PPP6R3: variants seen among roughly 807,000 people sequenced by gnomAD.
The protein encoded by PPP6R3 is protein phosphatase 6 regulatory subunit 3, also known as serine/threonine-protein phosphatase 6 regulatory subunit 3.
A neutral mutation model predicts 110.7 loss-of-function variants in PPP6R3; 38 were observed. The ratio of observed to expected loss-of-function variants is 0.34; its 90% CI spans 0.26 to 0.45. The LOEUF (loss-of-function observed/expected upper bound fraction) is 0.45. Ranked by LOEUF, PPP6R3 falls within the 20% of genes least tolerant of loss-of-function variation. The pLI is 1.00. For synonymous variants in PPP6R3, 369 were observed against 373.5 expected (o/e 0.99, Z 0.14); for missense variants, 870 against 1,062.4 (o/e 0.82, Z 2.52).
intron 2 of PPP6R3, among the ~76,000 whole-genome samples, chr11:68,537,446 A>AT (rs1170357817): frequency 2.0e-5 from 3 of 152,298 alleles, no homozygotes. Flanking sequence ...TCAAGTCAAA[A>AT]TTTTTTATCT....
intron 12 of PPP6R3, among the ~76,000 whole-genome samples, chr11:68,573,129 T>TA (rs1467274778): frequency 1.2e-5 from 1 of 85,120 alleles, no homozygotes; most frequent in Non-Finnish European, 2.4e-5. Context: ...TATATATATA[T>TA]ATATATATAT....
chr11:68,467,217 T>G (rs1357788744), intron 1 of PPP6R3, among the ~76,000 whole-genome samples: 1 of 152,256 alleles, frequency 6.6e-6, no homozygotes, highest in Non-Finnish European at 1.5e-5. Context: ...TCTGAACATC[T>G]TTTTACAGAT....
rs35585116 is a variant in PPP6R3, at chr11:68,592,153, C to CT, written c.1916+458dup. On this transcript the variant is annotated intron_variant, in intron 18 of 23. Coordinates refer to ENST00000393800, the MANE Select transcript of PPP6R3 (RefSeq NM_001164161.2). ...TTAATATATCTGGGTCAATCCAGTC[C>CT]TTTTTTTTTTTAAATCATCCGTATC... is the stretch of plus-strand genomic sequence containing the variant. Among the ~76,000 whole-genome samples, 270 of 146,394 alleles carry CT rather than the reference C, an allele frequency of 1.8e-3. 1 individual carries two copies. Among genetic ancestry groups the CT allele is most frequent in the African/African-American group, 3.4e-3 (138 of 40,066 alleles).
At position 68,516,263 on chromosome 11, in the gene PPP6R3, G is replaced by A. The variant is rs151065360; in HGVS notation, c.-157-3238G>A. Among the ~76,000 whole-genome samples, 14 of 152,262 alleles carry A rather than the reference G, an allele frequency of 9.2e-5. No homozygotes were observed. In the East Asian group the frequency reaches 2.7e-3, roughly 29 times the overall value. On this transcript the variant is annotated intron_variant, in intron 1 of 23. Transcript: ENST00000393800. The stretch of plus-strand genomic sequence containing the variant: ...TGCTTCAAAATCTGAAACTTTTTGA[G>A]TGCCAACACGATGCCACAAGTGGAA...
At chr11:68,476,332 G>A (rs1034495394) in intron 1 of PPP6R3, among the ~76,000 whole-genome samples, 4 of 152,198 alleles carry the variant, frequency 2.6e-5, no homozygotes, top group South Asian at 2.1e-4. Flanking sequence ...GCGTGGCGGC[G>A]CACGCCTGCA....
intron 1 of PPP6R3, among the ~76,000 whole-genome samples, chr11:68,518,919 T>A (rs2099150287): frequency 6.6e-6 from 1 of 152,188 alleles, no homozygotes; most frequent in South Asian, 2.1e-4. Flanking sequence ...ACAGTTTAAG[T>A]CATTTTCCAC....
intron 1 of PPP6R3, among the ~76,000 whole-genome samples, chr11:68,487,702 A>T (rs2098957043): frequency 6.6e-6 from 1 of 151,914 alleles, no homozygotes; most frequent in Non-Finnish European, 1.5e-5. Context: ...TTTTTCAGTT[A>T]TCTTTCTGTT....
chr11:68,501,454 G>A (rs1328639258), intron 1 of PPP6R3, among the ~76,000 whole-genome samples: 1 of 152,208 alleles, frequency 6.6e-6, no homozygotes, highest in African/African-American at 2.4e-5. Context: ...AGCCCCCTGA[G>A]TAGCTGAGAT....
chr11:68,569,053 C>T (rs1027592983), intron 10 of PPP6R3, among the ~76,000 whole-genome samples: 1 of 152,172 alleles, frequency 6.6e-6, no homozygotes, highest in Non-Finnish European at 1.5e-5. Flanking sequence ...AGCCACCACG[C>T]CTGGCCTCTT....
intron 8 of PPP6R3, among the ~76,000 whole-genome samples, chr11:68,562,997 C>T (rs910512209): frequency 6.6e-6 from 1 of 151,774 alleles, no homozygotes; most frequent in Non-Finnish European, 1.5e-5. Context: ...TGAGAAAAGA[C>T]TTACATCCAG....
At chr11:68,594,680 T>G (rs1312832938) in intron 18 of PPP6R3, among the ~76,000 whole-genome samples, 1 of 152,200 alleles carries the variant, frequency 6.6e-6, no homozygotes, top group Non-Finnish European at 1.5e-5. Context: ...ATCTATAGAT[T>G]CAACACAAAC....
At chr11:68,563,032 A>G (rs1180626024) in intron 8 of PPP6R3, among the ~76,000 whole-genome samples, 1 of 151,546 alleles carries the variant, frequency 6.6e-6, no homozygotes, top group Non-Finnish European at 1.5e-5. Context: ...CCTAGGCTGG[A>G]TATGGTGGCT....
At chr11:68,581,152 T>C (rs2099552908) in intron 14 of PPP6R3, among the ~76,000 whole-genome samples, 1 of 152,194 alleles carries the variant, frequency 6.6e-6, no homozygotes, top group South Asian at 2.1e-4. Flanking sequence ...ACATCTTCCA[T>C]TAATGTAATT....
In PPP6R3 at chr11:68,600,426, C is replaced by A. The variant is rs1183426678; in HGVS notation, c.2124C>A (p.Ser708Arg). Residue 708 changes from serine (S) to arginine (R), a missense_variant, in exon 20 of 24, where the codon AGC becomes AGA. By Grantham distance (110) the Ser-to-Arg change is moderately radical (BLOSUM62 -1). Coordinates refer to ENST00000393800, the MANE Select transcript of PPP6R3 (RefSeq NM_001164161.2). ...PLDSVGSDVWSTEEPMPTKET... is the reference protein window; with the variant it reads ...PLDSVGSDVWRTEEPMPTKET... Reference sequence around the variant, plus strand: ...ATTCTGTGGGATCTGATGTCTGGAGCACAGAGGAGCCGATGCCAACTAAAG... The same window carrying A: ...ATTCTGTGGGATCTGATGTCTGGAGAACAGAGGAGCCGATGCCAACTAAAG... 2.5e-6 allele frequency: 4 copies of A among 1,614,034 alleles called. No individual in the cohort carries two copies. Among genetic ancestry groups the A allele is most frequent in the Non-Finnish European group, 3.4e-6 (4 of 1,180,036 alleles).
chr11:68,475,833 G>C (rs1327090396), intron 1 of PPP6R3, among the ~76,000 whole-genome samples: 1 of 151,888 alleles, frequency 6.6e-6, no homozygotes, highest in Non-Finnish European at 1.5e-5. Context: ...CGGGGTGGCC[G>C]GGCAGAGACG....
intron 4 of PPP6R3, 99 bp downstream of exon 4, chr11:68,545,123 G>A: frequency 1.1e-6 from 1 of 883,434 alleles, no homozygotes; most frequent in East Asian, 2.6e-5. Context: ...TTTGCCTTAA[G>A]TTCAGGTTGT....
intron 2 of PPP6R3, among the ~76,000 whole-genome samples, chr11:68,524,161 G>T (rs369018736): frequency 6.6e-6 from 1 of 152,112 alleles, no homozygotes; most frequent in African/African-American, 2.4e-5. Context: ...CAATTGAGGG[G>T]CCTCTCATGA....
chr11:68,471,352 G>A (rs2098790999), intron 1 of PPP6R3, among the ~76,000 whole-genome samples: 1 of 151,984 alleles, frequency 6.6e-6, no homozygotes, highest in South Asian at 2.1e-4. Context: ...CAGTCCCGAG[G>A]TTGAGTGAGG....
At chr11:68,469,540 A>ATT (rs376996871) in intron 1 of PPP6R3, among the ~76,000 whole-genome samples, 10 of 141,182 alleles carry the variant, frequency 7.1e-5, no homozygotes, top group African/African-American at 1.0e-4. Context: ...CACCCAGGTA[A>ATT]TTTTTTTTTT....
Sources: gnomAD v4.1 joint callset for allele counts (sites outside exome capture counted in the v4.1 genomes callset) on GRCh38, gnomAD v4.1.1 for gene constraint, MANE v1.5 for transcripts, NCBI Gene and HGNC (gene_info 2026-07-23, HGNC 2026-07-21) for gene names.